Variants in CCDC7 observed in about 807,000 individuals in gnomAD.
CCDC7 encodes the protein coiled-coil domain containing 7, also known as coiled-coil domain-containing protein 7.
Under a neutral mutation model 196.9 loss-of-function variants are expected in CCDC7, and 183 were observed. The observed-to-expected ratio is 0.93, with a 90% CI of 0.82 to 1.05. The LOEUF (loss-of-function observed/expected upper bound fraction) is 1.05. CCDC7 is among the 50% of genes least tolerant of loss of function. The pLI is 0.00. For missense variants in CCDC7, 1,540 were observed against 1,482.2 expected (o/e 1.04, Z -0.64); for synonymous variants, 525 against 484.6 (o/e 1.08, Z -1.10).
chr10:32,782,547 A>G (rs2081229347), intron 29 of CCDC7, among the ~76,000 whole-genome samples: 1 of 149,086 alleles, frequency 6.7e-6, no homozygotes, highest in Admixed American at 6.7e-5. Context: ...TATTATTAAG[A>G]TGACAGTAAT....
intron 20 of CCDC7, 62 bp from the exon 22 acceptor site, chr10:32,663,992 C>A (rs1364570068): frequency 1.3e-5 from 5 of 389,256 alleles, no homozygotes; most frequent in Admixed American, 4.4e-5. Flanking sequence ...TGTTATAAAT[C>A]TGAAATCTAG....
At chr10:32,803,535 T>C (rs1283470800) in intron 29 of CCDC7, among the ~76,000 whole-genome samples, 1 of 152,190 alleles carries the variant, frequency 6.6e-6, no homozygotes, top group African/African-American at 2.4e-5. Context: ...TCTATTTGTC[T>C]GTTGTAAGTA....
chr10:32,497,016 G>A (rs1357676178), intron 9 of CCDC7, among the ~76,000 whole-genome samples: 2 of 152,104 alleles, frequency 1.3e-5, no homozygotes, highest in Non-Finnish European at 2.9e-5. Flanking sequence ...GAATCCGTCT[G>A]GTCCTGGACT....
intron 16 of CCDC7, among the ~76,000 whole-genome samples, chr10:32,573,324 T>C (rs531679077): frequency 9.9e-5 from 15 of 152,172 alleles, no homozygotes; most frequent in Non-Finnish European, 2.1e-4. Flanking sequence ...TAACTTTTGA[T>C]ATAAGTTGTT....
At chr10:32,681,239 G>C (rs2075809723) in intron 21 of CCDC7, among the ~76,000 whole-genome samples, 1 of 152,076 alleles carries the variant, frequency 6.6e-6, no homozygotes, top group South Asian at 2.1e-4. Flanking sequence ...TGAATTTTGT[G>C]GTGGGCCAAT....
intron 18 of CCDC7, among the ~76,000 whole-genome samples, chr10:32,620,287 C>T (rs2063269590): frequency 6.6e-6 from 1 of 151,980 alleles, no homozygotes; most frequent in Admixed American, 6.6e-5. Context: ...TTTTGGTGAT[C>T]TTTATTTACA....
In CCDC7 at chr10:32,685,343, T is replaced by C. The variant is rs996325144; in HGVS notation, c.2123-627T>C. Among the ~76,000 whole-genome samples, 14 of 152,152 alleles carry C rather than the reference T, an allele frequency of 9.2e-5. No individual in the cohort carries two copies. In the South Asian group the frequency reaches 1.0e-3, roughly 11 times the overall value. On this transcript the variant is annotated intron_variant, in intron 21 of 41. Coordinates refer to ENST00000639629, the Ensembl canonical transcript of CCDC7. ...ATTAACCATAACTTTCATTATACTA[T>C]AGTTTATAGCAAGCTTGTCCAACCT...
intron 24 of CCDC7, among the ~76,000 whole-genome samples, chr10:32,699,868 G>A (rs1247328851): frequency 6.7e-6 from 1 of 149,464 alleles, no homozygotes; most frequent in African/African-American, 2.6e-5. Flanking sequence ...AGAAGTATCT[G>A]TTCATATCCT....
At chr10:32,834,018 A>G (rs1325633349) in intron 32 of CCDC7, among the ~76,000 whole-genome samples, 1 of 152,120 alleles carries the variant, frequency 6.6e-6, no homozygotes, top group Non-Finnish European at 1.5e-5. Flanking sequence ...AATTCCCTTT[A>G]TTAATTTTGA....
At chr10:32,533,210 A>T (rs1022242087) in intron 11 of CCDC7, among the ~76,000 whole-genome samples, 1 of 151,158 alleles carries the variant, frequency 6.6e-6, no homozygotes, top group Non-Finnish European at 1.5e-5. Flanking sequence ...ATGATAATTT[A>T]TCTTTAATCC....
At chr10:32,795,812 C>T (rs993693863) in intron 29 of CCDC7, among the ~76,000 whole-genome samples, 1 of 152,102 alleles carries the variant, frequency 6.6e-6, no homozygotes, top group Non-Finnish European at 1.5e-5. Flanking sequence ...CCTTAGTAAA[C>T]AAAGCAATGC....
At chr10:32,849,050 C>G (rs1284566717) in intron 39 of CCDC7, among the ~76,000 whole-genome samples, 4 of 150,970 alleles carry the variant, frequency 2.6e-5, no homozygotes, top group Admixed American at 2.0e-4. Flanking sequence ...ACATTTTCAT[C>G]AGCAATCTTT....
At chr10:32,585,327 C>T (rs1454213416) in intron 18 of CCDC7, among the ~76,000 whole-genome samples, 3 of 152,170 alleles carry the variant, frequency 2.0e-5, no homozygotes, top group Admixed American at 6.5e-5. Context: ...CCCGCCTTGG[C>T]CTCCCAAAGT....
chr10:32,609,233 G>A (rs979069815), intron 18 of CCDC7, among the ~76,000 whole-genome samples: 5 of 152,052 alleles, frequency 3.3e-5, no homozygotes, highest in African/African-American at 1.2e-4. Context: ...TATGGCATTA[G>A]AGTCGATCTT....
chr10:32,704,279 G>A (rs752177094), intron 24 of CCDC7, among the ~76,000 whole-genome samples: 5 of 152,164 alleles, frequency 3.3e-5, no homozygotes, highest in Non-Finnish European at 5.9e-5. Flanking sequence ...GTCCACTCCA[G>A]GCCCTGTTTG....
rs868827121 is a variant in CCDC7, at chr10:32,617,369, A to G, written c.1802-16885A>G. On this transcript the variant is annotated intron_variant, in intron 18 of 41. Coordinates refer to ENST00000639629, the Ensembl canonical transcript of CCDC7. The stretch of plus-strand genomic sequence containing the variant: ...TATTCTTTTTCCTCCAGCTTTTTGA[A>G]GTGTGATGTTAAGTTGTTAATTTGT... Among the ~76,000 whole-genome samples, 24 of 150,814 alleles carry G rather than the reference A, an allele frequency of 1.6e-4. 2 individuals are homozygous for G. The South Asian group carries it at 5.0e-3, about 31-fold the overall frequency.
chr10:32,643,768 G>A (rs947344093), intron 20 of CCDC7, among the ~76,000 whole-genome samples: 6 of 151,778 alleles, frequency 4.0e-5, no homozygotes, highest in African/African-American at 1.4e-4. Context: ...TATCCTTGCA[G>A]TAGAAACACT....
At chr10:32,721,358 C>CTA (rs149927947) in intron 25 of CCDC7, among the ~76,000 whole-genome samples, 101 of 152,172 alleles carry the variant, frequency 6.6e-4, no homozygotes, top group Admixed American at 1.5e-3. Context: ...GTCTTTCTGC[C>CTA]GTAGGCTCTA....
At chr10:32,748,711 T>G (rs954894110) in intron 28 of CCDC7, among the ~76,000 whole-genome samples, 2 of 152,190 alleles carry the variant, frequency 1.3e-5, no homozygotes, top group Non-Finnish European at 1.5e-5. Flanking sequence ...TCCCTTCTTA[T>G]GTGGGGCAGG....
Sources: allele counts gnomAD v4.1 joint callset (sites outside exome capture counted in the v4.1 genomes callset), GRCh38; gene constraint gnomAD v4.1.1; transcripts MANE v1.5; gene names NCBI Gene and HGNC (gene_info 2026-07-23, HGNC 2026-07-21).